Variants in SLC13A5 observed in about 807,000 individuals in gnomAD.
SLC13A5 encodes Na(+)/citrate cotransporter.
In SLC13A5, 25 loss-of-function variants were observed where a neutral mutation model predicts 56.5. The observed-to-expected ratio is 0.44, with a 90% CI of 0.32 to 0.62. The LOEUF is 0.62. Among genes scored for constraint, SLC13A5 ranks in the 20% least tolerant of loss-of-function variants. The pLI, the probability that SLC13A5 is intolerant of heterozygous loss-of-function variation, is 0.04. For missense variants in SLC13A5, 649 were observed against 737.8 expected, an observed-to-expected ratio of 0.88 and a Z score of 1.39; for synonymous variants, 307 against 301.5, an observed-to-expected ratio of 1.02 and a Z score of -0.19.
In SLC13A5 at chr17:6,692,269, A is replaced by T. The variant is rs562921273; in HGVS notation, c.1275+775T>A. ...GATGGATGGATGGATGGATGGATGG[A>T]TGGATGGACGGATGGACGGACGGAT... On this transcript the variant is annotated intron_variant, in intron 9 of 11. Transcript: ENST00000433363. This position sits in a 1 kb window ranked among gnomAD's most constrained non-coding sequence, Gnocchi z 5.5. Among the ~76,000 whole-genome samples, 5 of 151,844 alleles carry T rather than the reference A, an allele frequency of 3.3e-5. No individual in the cohort carries two copies. Among genetic ancestry groups the T allele is most frequent in the African/African-American group, 1.2e-4 (5 of 41,260 alleles).
intron 3 of SLC13A5, chr17:6,705,295 C>A (rs1298646234): frequency 1.3e-5 from 2 of 152,182 alleles, no homozygotes; most frequent in African/African-American, 4.8e-5. Flanking sequence ...ATACAGGTGA[C>A]TCCCAGGACA....
rs1974012334 is a variant in SLC13A5, at chr17:6,711,210, G to C, written c.102+2022C>G. Among the ~76,000 whole-genome samples, 2 of 152,106 alleles carry C rather than the reference G, an allele frequency of 1.3e-5. No homozygotes were observed. On this transcript the variant is annotated intron_variant, in intron 1 of 11. Transcript: ENST00000433363. This position sits in a 1 kb window ranked among gnomAD's most constrained non-coding sequence, Gnocchi z 4.0. ...CCTGCCCGTGCTGTGTACCCTCTGG[G>C]TTTCCTTGCACAATGGGGCGGCCAT...
rs777563695 is a variant in SLC13A5 at position 6,703,042 on chromosome 17, G to A, written c.644C>T (p.Ala215Val). Residue 215 changes from alanine to valine, a missense_variant, in exon 5 of 12, where the codon GCG becomes GTG. Transcript: ENST00000433363. ...GGTGGCGGTGCCCCCGATGCTGGCC[G>A]CGTAGCAGATGCACAGGGTCATGGC... ...CKAMTLCICY[A>V]ASIGGTATLT... The A allele has an allele frequency of 9.3e-6, 15 of 1,614,080 alleles. No individual in the cohort carries two copies. Among genetic ancestry groups the A allele is most frequent in the South Asian group, 3.3e-5 (3 of 91,090 alleles).
In SLC13A5 at chr17:6,696,029, T is replaced by C. The variant is rs916034977; in HGVS notation, c.840-88A>G. 2.6e-5 allele frequency: 33 copies of C among 1,280,486 alleles called. No homozygotes were observed. The Admixed American group carries it at 4.2e-4, about 16-fold the overall frequency. The allele number at this position is 1,280,486 out of a possible 1,614,324, so 79.3% of individuals were successfully genotyped here. On this transcript the variant is annotated intron_variant, in intron 6 of 11. Transcript: ENST00000433363. ...GGAGCCTAAATGTTCTACAGCAGAA[T>C]GTAGCAAAAAGACACATAATGCTGT...
intron 6 of SLC13A5, among the ~76,000 whole-genome samples, chr17:6,700,421 TGCATTGAG>T (rs1370708967): frequency 1.3e-5 from 2 of 152,218 alleles, no homozygotes; most frequent in Non-Finnish European, 2.9e-5. Flanking sequence ...AAACTCCCCG[TGCATTGAG>T]GCACAGAGCG....
intron 1 of SLC13A5, among the ~76,000 whole-genome samples, chr17:6,707,699 C>G (rs1362590600): frequency 3.9e-5 from 6 of 152,016 alleles, no homozygotes; most frequent in Non-Finnish European, 8.8e-5. Flanking sequence ...AGTGACTCAG[C>G]AATGGAAAGC....
chr17:6,686,374 C>A (rs1171204950), intron 11 of SLC13A5, 36 bp from the exon 12 acceptor site: 2 of 1,612,902 alleles, frequency 1.2e-6, no homozygotes, highest in Non-Finnish European at 1.7e-6. Context: ...CTGAGGCCTG[C>A]TGGGGACTAG....
In SLC13A5 at chr17:6,703,863, T is replaced by C. The variant is rs200767134; in HGVS notation, c.547+15A>G. 9.9e-6 allele frequency: 15 copies of C among 1,522,078 alleles called. No homozygotes were observed. In the African/African-American group the frequency reaches 1.8e-4, roughly 18 times the overall value. 94.3% of individuals were successfully genotyped at this position (1,522,078 alleles called of 1,614,324 possible). On this transcript the variant is annotated intron_variant, in intron 4 of 11. Transcript: ENST00000433363. ...CTGCTGTTGTGGCCTGGCAGTGCCC[T>C]GGCCAGGGGCTCACCTGGCAGCTCC...
chr17:6,701,204 G>T lies in SLC13A5; in HGVS notation c.717-78C>A. The T allele has an allele frequency of 3.2e-6, 5 of 1,582,158 alleles. No homozygotes were observed. In the South Asian group the frequency reaches 4.6e-5, roughly 14 times the overall value. On this transcript the variant is annotated intron_variant, in intron 5 of 11. Transcript: ENST00000433363. This position sits in a 1 kb window ranked among gnomAD's most constrained non-coding sequence, Gnocchi z 4.1. ...TGGCCCTGTGCGTGGGGACGGAGCA[G>T]CAGCTGGGCCCTGAGAGGCGCGCCT...
chr17:6,697,798 G>C (rs1203369634), intron 6 of SLC13A5, among the ~76,000 whole-genome samples: 1 of 149,710 alleles, frequency 6.7e-6, no homozygotes, highest in Non-Finnish European at 1.5e-5. Flanking sequence ...TCCTGGGGTG[G>C]GGTCTGGCCC....
At chr17:6,699,280 C>T (rs1973647121) in intron 6 of SLC13A5, among the ~76,000 whole-genome samples, 1 of 152,010 alleles carries the variant, frequency 6.6e-6, no homozygotes, top group Non-Finnish European at 1.5e-5. Context: ...ATGAACAGGA[C>T]TTTGGCCCTG....
chr17:6,706,743 C>G lies in SLC13A5; in HGVS notation c.267G>C (p.Leu89=), dbSNP rs776197235. 5.6e-6 allele frequency: 9 copies of G among 1,613,980 alleles called. No homozygotes were observed. Among genetic ancestry groups the G allele is most frequent in the South Asian group, 2.2e-5 (2 of 91,054 alleles). ...CGGCCACGATGAGGCCGCCCAGGAA[C>G]AGCATGTTGGTGTCCTTCATGTACT... The part of the protein sequence containing the change: ...CVQYMKDTNM[L]FLGGLIVAVA... Residue 89 remains leucine, a synonymous_variant, in exon 3 of 12, where the codon CTG becomes CTC. Transcript: ENST00000433363.
intron 6 of SLC13A5, among the ~76,000 whole-genome samples, chr17:6,696,948 G>A (rs218670): frequency 0.023 from 3,542 of 152,244 alleles, 55 homozygotes; most frequent in Middle Eastern, 0.041. Context: ...ATGGTGGCTT[G>A]GCCTGGAACA....
chr17:6,693,378 C>T (rs1207800271), intron 8 of SLC13A5: 1 of 465,514 alleles, frequency 2.1e-6, no homozygotes, highest in Non-Finnish European at 3.8e-6. Context: ...CTATTACACA[C>T]ACTGCCAATA....
chr17:6,695,463 C>G, intron 7 of SLC13A5: 1 of 397,556 alleles, frequency 2.5e-6, no homozygotes, highest in South Asian at 2.5e-5. Flanking sequence ...GATCTGGGCT[C>G]ACTGCAACCT....
At chr17:6,700,914 C>T in intron 6 of SLC13A5, 90 bp downstream of exon 6, 1 of 1,576,542 alleles carries the variant, frequency 6.3e-7, no homozygotes, top group South Asian at 1.1e-5. Flanking sequence ...ACACGAAGGA[C>T]TTTGTAAACC....
chr17:6,690,953 A>G lies in SLC13A5; in HGVS notation c.1276-13T>C, dbSNP rs1437401828. On this transcript the variant is annotated splice_polypyrimidine_tract_variant and intron_variant, in intron 9 of 11. Transcript: ENST00000433363. ...ACAGCCCCGAGGCCTGGGAAGCACC[A>G]GGAGGGCAGTCATCTCAGCGCTCCC... 6.3e-7 allele frequency: 1 copy of G among 1,592,520 alleles called. No homozygotes were observed. Among genetic ancestry groups the G allele is most frequent in the Non-Finnish European group, 8.6e-7 (1 of 1,167,436 alleles).
intron 11 of SLC13A5, chr17:6,686,792 G>C (rs1032615913): frequency 1.2e-5 from 2 of 165,228 alleles, no homozygotes; most frequent in East Asian, 3.4e-4. Flanking sequence ...TCACTACCCT[G>C]TTGTAGATAT....
chr17:6,700,742 C>G (rs111367520), intron 6 of SLC13A5, among the ~76,000 whole-genome samples: 86 of 152,248 alleles, frequency 5.6e-4, no homozygotes, highest in African/African-American at 1.8e-3. Context: ...GTCAGGGAAG[C>G]AGCATTTGAA....
Sources: allele counts gnomAD v4.1 joint callset (sites outside exome capture counted in the v4.1 genomes callset), GRCh38; gene constraint gnomAD v4.1.1; non-coding constraint Gnocchi (gnomAD v3.1); transcripts MANE v1.5; gene names NCBI Gene and HGNC (gene_info 2026-07-23, HGNC 2026-07-21).